The following RBFOX2 variants were observed in gnomAD, a reference collection of about 807,000 sequenced individuals.
The protein encoded by RBFOX2 is RNA binding fox-1 homolog 2, also known as RNA binding protein fox-1 homolog 2.
In RBFOX2, 10 loss-of-function variants were observed where a neutral mutation model predicts 49.1. The observed-to-expected ratio is 0.20, with a 90% confidence interval of 0.13 to 0.35. The LOEUF (loss-of-function observed/expected upper bound fraction) is 0.35, where lower values mean the gene tolerates loss of function less well. Ranked by LOEUF, RBFOX2 falls within the 10% of genes least tolerant of loss-of-function variation. The pLI, the probability that RBFOX2 is intolerant of heterozygous loss-of-function variation, is 1.00. For synonymous variants in RBFOX2, 183 were observed against 187.4 expected (o/e 0.98, Z 0.19); for missense variants, 323 against 486.9 (o/e 0.66, Z 3.17).
upstream of RBFOX2, among the ~76,000 whole-genome samples, chr22:35,963,138 AAACTT>A (rs2149964714): frequency 6.6e-6 from 1 of 151,890 alleles, no homozygotes; most frequent in Non-Finnish European, 1.5e-5. Context: ...ACCCCACAGA[AAACTT>A]AAACAATTTA....
intron 1 of RBFOX2, among the ~76,000 whole-genome samples, chr22:35,812,451 T>C (rs966142915): frequency 6.6e-6 from 1 of 152,196 alleles, no homozygotes; most frequent in Non-Finnish European, 1.5e-5. Flanking sequence ...ACGAGAGATA[T>C]AAAATAGTTA....
intron 1 of RBFOX2, among the ~76,000 whole-genome samples, chr22:35,919,540 A>G (rs1192090914): frequency 6.6e-6 from 1 of 152,048 alleles, no homozygotes; most frequent in Admixed American, 6.5e-5. Flanking sequence ...CAAAAAAAAA[A>G]AAAAGAAAAA....
exon 12 of RBFOX2, chr22:35,741,413 G>A (rs1178755986): frequency 6.6e-6 from 1 of 152,222 alleles, no homozygotes; most frequent in Non-Finnish European, 1.5e-5. Context: ...TTTTAATACA[G>A]TGAGAACCAG....
chr22:36,009,038 A>T (rs2058718829), intron 1 of RBFOX2, among the ~76,000 whole-genome samples: 1 of 152,182 alleles, frequency 6.6e-6, no homozygotes, highest in Non-Finnish European at 1.5e-5. Context: ...CTCTCGTCAT[A>T]TATTTTACAG....
intron 1 of RBFOX2, among the ~76,000 whole-genome samples, chr22:35,982,406 T>C (rs2057501815): frequency 6.6e-6 from 1 of 152,108 alleles, no homozygotes; most frequent in Non-Finnish European, 1.5e-5. Flanking sequence ...ATTCTCTTAA[T>C]GCACTTACCA....
intron 8 of RBFOX2, 84 bp from the exon 10 acceptor site, chr22:35,760,104 A>G: frequency 6.5e-7 from 1 of 1,543,696 alleles, no homozygotes; most frequent in South Asian, 1.1e-5. Context: ...TGAACCAATT[A>G]TAGAAAAGAT....
intron 1 of RBFOX2, among the ~76,000 whole-genome samples, chr22:35,972,816 AGTGCTT>A (rs2056953132): frequency 6.6e-6 from 1 of 152,174 alleles, no homozygotes; most frequent in Admixed American, 6.5e-5. Flanking sequence ...CTGTCCTCCT[AGTGCTT>A]AGAGACATCA....
At chr22:35,850,980 C>T (rs994659031) in intron 1 of RBFOX2, among the ~76,000 whole-genome samples, 1 of 152,104 alleles carries the variant, frequency 6.6e-6, no homozygotes, top group Non-Finnish European at 1.5e-5. Flanking sequence ...TCGTGGAGAG[C>T]CAGTAATATT....
chr22:36,000,028 C>G (rs1442938714), intron 1 of RBFOX2: 1 of 140,348 alleles, frequency 7.1e-6, no homozygotes, highest in Non-Finnish European at 1.5e-5. Context: ...GAGATGGAGT[C>G]TCACTCTTGT....
chr22:35,739,179 G>GC (rs761424513), exon 12 of RBFOX2: 21 of 152,866 alleles, frequency 1.4e-4, no homozygotes, highest in Non-Finnish European at 2.1e-4. Context: ...ATGCCCCCAT[G>GC]CCCCAAAGGT....
intron 2 of RBFOX2, among the ~76,000 whole-genome samples, chr22:35,786,831 T>C (rs1946502310): frequency 1.3e-5 from 2 of 152,202 alleles, no homozygotes; most frequent in Admixed American, 6.5e-5. Context: ...AATTCAAAAC[T>C]AGGCAGCCCA....
At chr22:35,949,991 C>T (rs1463723766) in intron 1 of RBFOX2, among the ~76,000 whole-genome samples, 1 of 151,986 alleles carries the variant, frequency 6.6e-6, no homozygotes, top group Non-Finnish European at 1.5e-5. Context: ...ACTGCCAATT[C>T]CAAGGTCACG....
chr22:35,768,260 G>C, exon 5 of RBFOX2: 1 of 1,613,408 alleles, frequency 6.2e-7, no homozygotes, highest in Non-Finnish European at 8.5e-7. Flanking sequence ...CATGCACCTC[G>C]ATTTTACGGC....
intron 2 of RBFOX2, among the ~76,000 whole-genome samples, chr22:35,792,504 A>C (rs1359106286): frequency 6.6e-6 from 1 of 152,178 alleles, no homozygotes; most frequent in Non-Finnish European, 1.5e-5. Flanking sequence ...AATTTGAATA[A>C]AATAAGATTA....
intron 1 of RBFOX2, among the ~76,000 whole-genome samples, chr22:35,959,450 A>G (rs1157953746): frequency 6.6e-6 from 1 of 152,232 alleles, no homozygotes; most frequent in Admixed American, 6.5e-5. Context: ...CAGCAATGGG[A>G]AAAATGGAGA....
intron 1 of RBFOX2, among the ~76,000 whole-genome samples, chr22:35,969,650 C>G (rs2056761849): frequency 6.6e-6 from 1 of 152,208 alleles, no homozygotes; most frequent in African/African-American, 2.4e-5. Flanking sequence ...CTTCCTCTCT[C>G]CAGCATCGGC....
At chr22:35,994,235 AGT>A (rs1303870276) in intron 1 of RBFOX2, 8 of 152,044 alleles carry the variant, frequency 5.3e-5, no homozygotes, top group Non-Finnish European at 1.2e-4. Context: ...AATCCAACAC[AGT>A]TAAAATATTA....
chr22:35,982,042 T>C (rs1397863110), intron 1 of RBFOX2, among the ~76,000 whole-genome samples: 2 of 152,142 alleles, frequency 1.3e-5, no homozygotes, highest in African/African-American at 4.8e-5. Flanking sequence ...TTACAGCCAA[T>C]CATGCCAAGG....
chr22:35,980,778 T>C (rs775654315), intron 1 of RBFOX2, among the ~76,000 whole-genome samples: 2 of 152,114 alleles, frequency 1.3e-5, no homozygotes, highest in Non-Finnish European at 2.9e-5. Context: ...GAACTTACAG[T>C]TTAGCAGGTG....
Sources: gnomAD v4.1 joint callset for allele counts (sites outside exome capture counted in the v4.1 genomes callset) on GRCh38, gnomAD v4.1.1 for gene constraint, MANE v1.5 for transcripts, NCBI Gene and HGNC (gene_info 2026-07-23, HGNC 2026-07-21) for gene names.